Variants in CYP1A2 observed in about 807,000 individuals in gnomAD.
CYP1A2 encodes cytochrome P450 family 1 subfamily A member 2.
Under a neutral mutation model 34.7 loss-of-function variants are expected in CYP1A2, and 35 were observed. The observed-to-expected ratio is 1.01, with a 90% confidence interval of 0.77 to 1.34. CYP1A2 has a LOEUF of 1.34. CYP1A2 is among the 40% of genes most tolerant of loss of function. CYP1A2 has a pLI of 0.00. For missense variants in CYP1A2, 675 were observed against 675.8 expected, an observed-to-expected ratio of 1.00 and a Z score of 0.01; for synonymous variants, 288 against 281.9, an observed-to-expected ratio of 1.02 and a Z score of -0.22.
At chr15:74,751,361 C>G in intron 3 of CYP1A2, 52 bp downstream of exon 3, 9 of 1,604,558 alleles carry the variant, frequency 5.6e-6, no homozygotes, top group Non-Finnish European at 7.7e-6. Flanking sequence ...TGTTCACCCA[C>G]AGCCTTGCCC....
At position 74,755,288 on chromosome 15, in the gene CYP1A2, G is replaced by T; in HGVS notation, c.*200G>T. 1 of 560,388 alleles carries T rather than the reference G, an allele frequency of 1.8e-6. No homozygotes were observed. 34.7% of individuals were successfully genotyped at this position (560,388 alleles called of 1,614,324 possible). ...GAAAGCAGCCTGGCCAACATAGTGG[G>T]ACCCTGTCTCTACAAAAAAAAAATT... On this transcript the variant is annotated 3_prime_UTR_variant, in exon 7 of 7. Transcript: ENST00000343932.
intron 6 of CYP1A2, among the ~76,000 whole-genome samples, chr15:74,754,027 T>G (rs1017916557): frequency 6.6e-6 from 1 of 152,130 alleles, no homozygotes; most frequent in African/African-American, 2.4e-5. Context: ...AGGAGGCATA[T>G]TTTGAGTAGG....
rs756244484 is a variant in CYP1A2, at chr15:74,750,250, C to T, written c.512C>T (p.Ala171Val). The change falls in exon 2 of 7, where the codon GCC becomes GTC. Residue 171 changes from alanine (A) to valine (V), a missense_variant. Ala to Val is a moderately conservative substitution (Grantham distance 64, BLOSUM62 0). Coordinates refer to ENST00000343932, the MANE Select transcript of CYP1A2 (RefSeq NM_000761.5). ...GAGCATGTGAGCAAGGAGGCTAAGG[C>T]CCTGATCAGCAGGTTGCAGGAGCTG... is the stretch of plus-strand genomic sequence containing the variant. The part of the protein sequence containing the change: ...LEEHVSKEAK[A>V]LISRLQELMA... The T allele has an allele frequency of 6.2e-7, 1 of 1,614,236 alleles. No homozygotes were observed. The highest frequency in any genetic ancestry group is 1.3e-5 in the African/African-American group (1 of 75,066).
intron 5 of CYP1A2, 89 bp from the exon 6 acceptor site, chr15:74,753,095 G>A (rs1018853416): frequency 1.2e-5 from 11 of 948,890 alleles, no homozygotes; most frequent in Non-Finnish European, 1.7e-5. Flanking sequence ...GATGGCGGTG[G>A]GCAGGCTGTC....
At position 74,750,509 on chromosome 15, in the gene CYP1A2, C is replaced by T; in HGVS notation, c.771C>T (p.Asn257=). The T allele has an allele frequency of 1.2e-6, 2 of 1,614,200 alleles. No individual in the cohort carries two copies. The highest frequency in any genetic ancestry group is 1.3e-5 in the African/African-American group (1 of 75,044). Residue 257 remains asparagine (N), a synonymous_variant, in exon 2 of 7, where the codon AAC becomes AAT. Transcript: ENST00000343932. ...CCCTGCAGAGGTTCAAGGCCTTCAA[C>T]CAGAGGTTCCTGTGGTTCCTGCAGA... ...NPALQRFKAF[N]QRFLWFLQKT...
At chr15:74,749,170 G>A (rs45518531) in intron 1 of CYP1A2, among the ~76,000 whole-genome samples, 15 of 152,220 alleles carry the variant, frequency 9.9e-5, no homozygotes, top group Non-Finnish European at 1.9e-4. Flanking sequence ...GACTGTGAGA[G>A]GATGGGGACT....
At position 74,752,158 on chromosome 15, in the gene CYP1A2, C is replaced by G; in HGVS notation, c.1077C>G (p.Leu359=). 2.5e-6 allele frequency: 4 copies of G among 1,614,084 alleles called. No individual in the cohort carries two copies. The highest frequency in any genetic ancestry group is 3.4e-6 in the Non-Finnish European group (4 of 1,179,990). Residue 359 remains leucine, a synonymous_variant, in exon 5 of 7, where the codon CTC becomes CTG. Transcript: ENST00000343932. ...TTGGCAGGGAGCGGCGGCCCCGGCTCTCTGACAGACCCCAGCTGCCCTACT... is the reference window on the plus strand; with the variant it reads ...TTGGCAGGGAGCGGCGGCCCCGGCTGTCTGACAGACCCCAGCTGCCCTACT... ...TVIGRERRPR[L]SDRPQLPYLE...
intron 1 of CYP1A2, among the ~76,000 whole-genome samples, chr15:74,749,318 A>G (rs1221478451): frequency 6.6e-6 from 1 of 152,162 alleles, no homozygotes; most frequent in African/African-American, 2.4e-5. Context: ...TCCCTTGGGT[A>G]TATGGAAGGT....
chr15:74,750,082 C>T lies in CYP1A2; in HGVS notation c.344C>T (p.Thr115Ile). ...FKGRPDLYTSTLITDGQSLTF... is the reference protein window; with the variant it reads ...FKGRPDLYTSILITDGQSLTF... ...GGCCGGCCTGACCTCTACACCTCCA[C>T]CCTCATCACTGATGGCCAGAGCTTG... The change falls in exon 2 of 7, where the codon ACC becomes ATC. Residue 115 changes from threonine to isoleucine, a missense_variant. Thr to Ile is a moderately conservative substitution (Grantham distance 89). Coordinates refer to ENST00000343932, the MANE Select transcript of CYP1A2 (RefSeq NM_000761.5). 6.2e-7 allele frequency: 1 copy of T among 1,614,070 alleles called. No homozygotes were observed. The highest frequency in any genetic ancestry group is 8.5e-7 in the Non-Finnish European group (1 of 1,180,038).
chr15:74,752,308 G>T (rs28399420), intron 5 of CYP1A2, 61 bp downstream of exon 5: 6 of 1,599,306 alleles, frequency 3.8e-6, no homozygotes, highest in Non-Finnish European at 5.1e-6. Context: ...TCTCTTCCTG[G>T]CTTCTCAGCC....
chr15:74,749,201 C>T (rs1276881921), intron 1 of CYP1A2, among the ~76,000 whole-genome samples: 1 of 152,192 alleles, frequency 6.6e-6, no homozygotes, highest in Non-Finnish European at 1.5e-5. Context: ...GGAGGTGCCC[C>T]TCCTGGTATT....
In CYP1A2 at chr15:74,749,811, TTCTG is replaced by T; in HGVS notation, c.74_77del (p.Phe25TrpfsTer6). On this transcript the variant is annotated frameshift_variant, in exon 2 of 7. Coordinates refer to ENST00000343932, the MANE Select transcript of CYP1A2 (RefSeq NM_000761.5). LOFTEE classifies it high-confidence loss of function. The stretch of plus-strand genomic sequence containing the variant: ...GGCCTCTGCCATCTTCTGCCTGGTA[TTCTG>T]GGTGCTCAAGGGTTTGAGGCCTCGG... The T allele has an allele frequency of 3.8e-6, 6 of 1,595,776 alleles. No individual in the cohort carries two copies. The highest frequency in any genetic ancestry group is 5.1e-6 in the Non-Finnish European group (6 of 1,168,404).
chr15:74,749,526 C>T (rs1236939351), intron 1 of CYP1A2, among the ~76,000 whole-genome samples: 1 of 152,150 alleles, frequency 6.6e-6, no homozygotes, highest in African/African-American at 2.4e-5. Flanking sequence ...TCTTGAGGCT[C>T]CTTTCCAGCT....
Position 74,749,222 on chromosome 15 carries a change from G to T in CYP1A2, c.-10+325G>T, listed in dbSNP as rs978678687. On this transcript the variant is annotated intron_variant, in intron 1 of 6. Coordinates refer to ENST00000343932, the MANE Select transcript of CYP1A2 (RefSeq NM_000761.5). The stretch of plus-strand genomic sequence containing the variant: ...GCCCCTCCTGGTATTGATAAAGAAT[G>T]CCCTGGGGAGGGGGCATCACAGGCT... Among the ~76,000 whole-genome samples the T allele has an allele frequency of 3.9e-5, 6 of 152,178 alleles. No homozygotes were observed. In the East Asian group the frequency reaches 9.6e-4, roughly 24 times the overall value.
chr15:74,754,680 C>A, intron 6 of CYP1A2, 111 bp from the exon 7 acceptor site: 1 of 1,023,304 alleles, frequency 9.8e-7, no homozygotes, highest in Non-Finnish European at 1.5e-6. Flanking sequence ...CCCTTCATTG[C>A]TTTCAAAGTG....
Position 74,755,016 on chromosome 15 carries a change from C to T in CYP1A2, c.1479C>T (p.Pro493=). The change falls in exon 7 of 7, where the codon CCC becomes CCT. Residue 493 remains proline, a synonymous_variant. Coordinates refer to ENST00000343932, the MANE Select transcript of CYP1A2 (RefSeq NM_000761.5). ...CGGGCGTGAAAGTCGACCTGACCCC[C>T]ATCTACGGGCTGACCATGAAGCACG... The part of the protein sequence containing the change: ...VPPGVKVDLT[P]IYGLTMKHAR... 1 of 1,614,204 alleles carries T rather than the reference C, an allele frequency of 6.2e-7. No individual in the cohort carries two copies. The highest frequency in any genetic ancestry group is 1.1e-5 in the South Asian group (1 of 91,088).
chr15:74,751,943 T>G (rs1002092168), intron 4 of CYP1A2, 89 bp downstream of exon 4: 2 of 1,519,336 alleles, frequency 1.3e-6, no homozygotes, highest in Admixed American at 3.6e-5. Flanking sequence ...ATGTGCCTGC[T>G]GTGTGCAAGC....
At position 74,750,002 on chromosome 15, in the gene CYP1A2, G is replaced by C. The variant is rs756865803; in HGVS notation, c.264G>C (p.Leu88=). Residue 88 remains leucine, a synonymous_variant, in exon 2 of 7, where the codon CTG becomes CTC. Coordinates refer to ENST00000343932, the MANE Select transcript of CYP1A2 (RefSeq NM_000761.5). The part of the protein sequence containing the change: ...IRIGSTPVLV[L]SRLDTIRQAL... ...TTGGCTCCACGCCCGTGCTGGTGCT[G>C]AGCCGCCTGGACACCATCCGGCAGG... The C allele has an allele frequency of 6.2e-7, 1 of 1,614,076 alleles. No homozygotes were observed. The highest frequency in any genetic ancestry group is 8.5e-7 in the Non-Finnish European group (1 of 1,180,018).
chr15:74,750,588 T>C lies in CYP1A2; in HGVS notation c.831+19T>C, dbSNP rs34954622. ...TGACAAGGTGAGCCCGGGGTGCAGGTGGCAAGGGGCACCTTGCAGGGCCTG... is the reference window on the plus strand; with the variant it reads ...TGACAAGGTGAGCCCGGGGTGCAGGCGGCAAGGGGCACCTTGCAGGGCCTG... On this transcript the variant is annotated intron_variant, in intron 2 of 6. Transcript: ENST00000343932. 6 of 1,603,330 alleles carry C rather than the reference T, an allele frequency of 3.7e-6. No individual in the cohort carries two copies. The African/African-American group carries it at 8.0e-5, about 21-fold the overall frequency.
Sources: gnomAD v4.1 joint callset for allele counts (sites outside exome capture counted in the v4.1 genomes callset) on GRCh38, gnomAD v4.1.1 for gene constraint, MANE v1.5 for transcripts, NCBI Gene and HGNC (gene_info 2026-07-23, HGNC 2026-07-21) for gene names.